Variants in MLXIPL observed in about 807,000 individuals in gnomAD.
MLXIPL encodes the protein carbohydrate-responsive element-binding protein.
In MLXIPL, 49 loss-of-function variants were observed where a neutral mutation model predicts 81.5. That is an observed-to-expected ratio of 0.60 (90% CI 0.48 to 0.76). The LOEUF is 0.76. MLXIPL is among the 30% of genes least tolerant of loss of function. The pLI, the probability that MLXIPL is intolerant of heterozygous loss-of-function variation, is 0.00. For synonymous variants in MLXIPL, 466 were observed against 485.5 expected, an observed-to-expected ratio of 0.96 and a Z score of 0.53; for missense variants, 1,053 against 1,167.0, an observed-to-expected ratio of 0.90 and a Z score of 1.42.
At chr7:73,603,668 T>C (rs1218512720) in intron 7 of MLXIPL, among the ~76,000 whole-genome samples, 1 of 152,208 alleles carries the variant, frequency 6.6e-6, no homozygotes, top group Non-Finnish European at 1.5e-5. Flanking sequence ...GGGGCTTCGA[T>C]GAGACGGGCT....
intron 1 of MLXIPL, among the ~76,000 whole-genome samples, chr7:73,618,182 C>T (rs1191026991): frequency 1.3e-5 from 2 of 152,180 alleles, no homozygotes; most frequent in African/African-American, 2.4e-5. Context: ...CTGCAACTTC[C>T]GTCTCCCAGG....
intron 16 of MLXIPL, 78 bp downstream of exon 16, chr7:73,594,196 G>A (rs1554592823): frequency 6.3e-7 from 1 of 1,595,008 alleles, no homozygotes; most frequent in East Asian, 2.2e-5. Context: ...AGCTGGATGT[G>A]GGATCTAAGC....
At position 73,593,771 on chromosome 7, in the gene MLXIPL, G is replaced by A; in HGVS notation, c.*94C>T. 1.8e-6 allele frequency: 2 copies of A among 1,123,556 alleles called. No individual in the cohort carries two copies. The highest frequency in any genetic ancestry group is 2.7e-6 in the Non-Finnish European group (2 of 736,848). The allele number at this position is 1,123,556 out of a possible 1,614,324, so 69.6% of individuals were successfully genotyped here. On this transcript the variant is annotated 3_prime_UTR_variant, in exon 17 of 17. Transcript: ENST00000313375. ...GGGAAGGGCAGAGCCAGGGCCTGGG[G>A]CAGGAAGGGAGTGCCCAGAGATGAT...
intron 2 of MLXIPL, among the ~76,000 whole-genome samples, chr7:73,612,797 C>T (rs1450054136): frequency 6.6e-6 from 1 of 152,064 alleles, no homozygotes; most frequent in Non-Finnish European, 1.5e-5. Flanking sequence ...CTTTGTTTAA[C>T]ACTGATAAGT....
At chr7:73,642,654 C>A in the MLXIPL span, among the ~76,000 whole-genome samples, 1 of 152,156 alleles carries the variant, frequency 6.6e-6, no homozygotes, top group South Asian at 2.1e-4. Flanking sequence ...CCATGCCTGG[C>A]CCTTTTTTAA....
Position 73,596,334 on chromosome 7 carries a change from A to T in MLXIPL, c.1938+30T>A. 1 of 1,569,312 alleles carries T rather than the reference A, an allele frequency of 6.4e-7. No homozygotes were observed. On this transcript the variant is annotated intron_variant, in intron 12 of 16. Coordinates refer to ENST00000313375, the MANE Select transcript of MLXIPL (RefSeq NM_032951.3). This position sits in a 1 kb window ranked among gnomAD's most constrained non-coding sequence, Gnocchi z 4.7. ...GCCCAGGAGGGCCTGGGGGTAGCAA[A>T]CCGATCTTGGGGTGGGGGATGGTGC...
intron 3 of MLXIPL, 69 bp from the exon 4 acceptor site, chr7:73,607,489 A>G: frequency 1.4e-5 from 21 of 1,535,792 alleles, no homozygotes; most frequent in Non-Finnish European, 1.8e-5. Flanking sequence ...CCCACCCTTC[A>G]CCCCATCCCT....
the MLXIPL span, among the ~76,000 whole-genome samples, chr7:73,638,976 G>A: frequency 2.6e-5 from 4 of 151,846 alleles, no homozygotes; most frequent in Non-Finnish European, 5.9e-5. Flanking sequence ...TAAGTAGAGA[G>A]GAGAAAAAAA....
chr7:73,624,397 C>G lies in MLXIPL; in HGVS notation c.96G>C (p.Pro32=). Residue 32 remains proline (P), a synonymous_variant, in exon 1 of 17, where the codon CCG becomes CCC. Coordinates refer to ENST00000313375, the MANE Select transcript of MLXIPL (RefSeq NM_032951.3). ...DSDSDTDSED[P]SLRRSAGGLL... is the part of the protein sequence containing the mutation. ...AGCCGCCCGCGCTGCGCCGGAGACTCGGGTCCTCCGAGTCTGTGTCCGAGT... is the reference window on the plus strand; with the variant it reads ...AGCCGCCCGCGCTGCGCCGGAGACTGGGGTCCTCCGAGTCTGTGTCCGAGT... The G allele has an allele frequency of 1.9e-6, 3 of 1,565,752 alleles. No homozygotes were observed. Among genetic ancestry groups the G allele is most frequent in the Middle Eastern group, 1.7e-4 (1 of 5,932 alleles).
chr7:73,594,192 A>C, intron 16 of MLXIPL, 82 bp downstream of exon 16: 1 of 1,593,334 alleles, frequency 6.3e-7, no homozygotes, highest in Non-Finnish European at 8.5e-7. Flanking sequence ...GGCAAGCTGG[A>C]TGTGGGATCT....
Position 73,593,893 on chromosome 7 carries a change from G to C in MLXIPL, c.2531C>G (p.Thr844Arg). 6.2e-7 allele frequency: 1 copy of C among 1,614,126 alleles called. No homozygotes were observed. Among genetic ancestry groups the C allele is most frequent in the African/African-American group, 1.3e-5 (1 of 75,038 alleles). ...TAAAGGTTTGCCAAGGGTGCCCTCTGTGACTGCCCGTGTGGCTTGCTCAGG... is the reference window on the plus strand; with the variant it reads ...TAAAGGTTTGCCAAGGGTGCCCTCTCTGACTGCCCGTGTGGCTTGCTCAGG... ...RIPEQATRAV[T>R]EGTLGKPL Residue 844 changes from threonine (T) to arginine (R), a missense_variant, in exon 17 of 17, where the codon ACA becomes AGA. Transcript: ENST00000313375.
chr7:73,624,686 C>A (rs1796623194), upstream of MLXIPL: 1 of 1,147,356 alleles, frequency 8.7e-7, no homozygotes, highest in Non-Finnish European at 1.1e-6. Flanking sequence ...GGAGCTCTGG[C>A]GGGTTGGCCC....
chr7:73,640,576 A>AG, the MLXIPL span, among the ~76,000 whole-genome samples: 5 of 151,970 alleles, frequency 3.3e-5, no homozygotes, highest in African/African-American at 9.7e-5. Flanking sequence ...CAGGAGTTCG[A>AG]GGCCAGCCTG....
intron 1 of MLXIPL, 100 bp from the exon 2 acceptor site, chr7:73,616,277 T>G (rs934482472): frequency 9.1e-7 from 1 of 1,094,414 alleles, no homozygotes; most frequent in Admixed American, 1.9e-5. Context: ...ATGGTTGGCA[T>G]TTGAGGGGCC....
intron 1 of MLXIPL, among the ~76,000 whole-genome samples, chr7:73,620,677 G>A (rs1796290401): frequency 6.6e-6 from 1 of 151,724 alleles, no homozygotes; most frequent in African/African-American, 2.4e-5. Flanking sequence ...GTTGGGTGGA[G>A]GTTGCAGTGA....
chr7:73,614,153 G>T (rs1294354141), intron 2 of MLXIPL, among the ~76,000 whole-genome samples: 5 of 152,100 alleles, frequency 3.3e-5, no homozygotes, highest in African/African-American at 9.7e-5. Flanking sequence ...GGAGACGGAG[G>T]TTACAGTGAG....
the MLXIPL span, among the ~76,000 whole-genome samples, chr7:73,641,113 G>A: frequency 6.6e-6 from 1 of 152,130 alleles, no homozygotes; most frequent in African/African-American, 2.4e-5. Context: ...ACCAGCCTGG[G>A]TGACATGGCA....
chr7:73,626,012 T>C (rs1048686851), upstream of MLXIPL, among the ~76,000 whole-genome samples: 1 of 152,138 alleles, frequency 6.6e-6, no homozygotes, highest in Non-Finnish European at 1.5e-5. Flanking sequence ...TTCTATTTAT[T>C]TATTGTTTTG....
chr7:73,604,432 G>C (rs1795126847), intron 7 of MLXIPL, among the ~76,000 whole-genome samples: 1 of 151,584 alleles, frequency 6.6e-6, no homozygotes, highest in African/African-American at 2.4e-5. Context: ...AATTAGCCAG[G>C]CATAATGGTG....
Sources: allele counts gnomAD v4.1 joint callset (sites outside exome capture counted in the v4.1 genomes callset), GRCh38; gene constraint gnomAD v4.1.1; non-coding constraint Gnocchi (gnomAD v3.1); transcripts MANE v1.5; gene names NCBI Gene and HGNC (gene_info 2026-07-23, HGNC 2026-07-21).